Variants in SLC7A11 observed in about 807,000 individuals in gnomAD.
SLC7A11 encodes cystine/glutamate transporter.
A neutral mutation model predicts 54.5 loss-of-function variants in SLC7A11; 35 were observed. The observed-to-expected ratio is 0.64, with a 90% confidence interval of 0.49 to 0.85. The LOEUF is 0.85. Ranked by LOEUF, SLC7A11 falls within the 40% of genes least tolerant of loss-of-function variation. The pLI is 0.00. For missense variants in SLC7A11, 583 were observed against 618.1 expected, an observed-to-expected ratio of 0.94 and a Z score of 0.60; for synonymous variants, 230 against 225.2, an observed-to-expected ratio of 1.02 and a Z score of -0.19.
rs952610078 is a variant in SLC7A11 at position 138,185,054 on chromosome 4, A to T, written c.915+67T>A. ...TTCAAAACACTTTCTGCTAGAGGGA[A>T]CTACTATAAAATTGCATCAGCTCAT... is the stretch of plus-strand genomic sequence containing the variant. On this transcript the variant is annotated intron_variant, in intron 7 of 11. Transcript: ENST00000280612. 6.3e-5 allele frequency: 98 copies of T among 1,544,294 alleles called. No individual in the cohort carries two copies. The African/African-American group carries it at 1.2e-3, about 18-fold the overall frequency.
chr4:138,177,794 T>C (rs1312554185), intron 11 of SLC7A11: 1 of 152,118 alleles, frequency 6.6e-6, no homozygotes, highest in Non-Finnish European at 1.5e-5. Context: ...TACTATGTTT[T>C]CTCCTCCCCC....
Position 138,198,466 on chromosome 4 carries a change from C to CA in SLC7A11, c.792-13223dup, listed in dbSNP as rs1267467987. Among the ~76,000 whole-genome samples the CA allele has an allele frequency of 2.0e-5, 3 of 152,258 alleles. No individual in the cohort carries two copies. The East Asian group carries it at 5.8e-4, about 29-fold the overall frequency. On this transcript the variant is annotated intron_variant, in intron 6 of 11. Coordinates refer to ENST00000280612, the MANE Select transcript of SLC7A11 (RefSeq NM_014331.4). ...TAAAAATGCTGGAAGTATTGAGCCT[C>CA]ACTGGTGATCAAATGAATGCATTTT...
intron 6 of SLC7A11, among the ~76,000 whole-genome samples, chr4:138,195,033 T>C (rs1452214755): frequency 6.6e-6 from 1 of 152,186 alleles, no homozygotes; most frequent in African/African-American, 2.4e-5. Context: ...TCTTCTCCTG[T>C]CTTCTGAAGA....
intron 10 of SLC7A11, among the ~76,000 whole-genome samples, chr4:138,179,761 A>G (rs1366736923): frequency 6.6e-6 from 1 of 152,210 alleles, no homozygotes; most frequent in Non-Finnish European, 1.5e-5. Flanking sequence ...AATTATGATT[A>G]GAACCCACTT....
At chr4:138,185,344 AT>A (rs1441821483) in intron 6 of SLC7A11, 100 bp from the exon 7 acceptor site, 12 of 1,306,364 alleles carry the variant, frequency 9.2e-6, no homozygotes, top group Non-Finnish European at 1.1e-6. Flanking sequence ...ATATAATGGT[AT>A]CTACAATAAT....
chr4:138,182,452 A>T (rs1467904868), intron 8 of SLC7A11, 59 bp from the exon 9 acceptor site: 2 of 1,042,752 alleles, frequency 1.9e-6, no homozygotes, highest in African/African-American at 3.2e-5. Flanking sequence ...CAAAGGGAAA[A>T]TCCAAAAATC....
chr4:138,239,103 A>T (rs1216387172), intron 1 of SLC7A11, among the ~76,000 whole-genome samples: 1 of 152,232 alleles, frequency 6.6e-6, no homozygotes, highest in African/African-American at 2.4e-5. Context: ...AACTAGTTGC[A>T]ACTCACTCTC....
At chr4:138,186,382 A>G (rs1736879258) in intron 6 of SLC7A11, among the ~76,000 whole-genome samples, 1 of 152,142 alleles carries the variant, frequency 6.6e-6, no homozygotes, top group Non-Finnish European at 1.5e-5. Context: ...CTCACTACCC[A>G]AGCTGGGTGT....
chr4:138,209,340 T>C (rs920886278), intron 6 of SLC7A11, among the ~76,000 whole-genome samples: 6 of 151,986 alleles, frequency 3.9e-5, no homozygotes, highest in Non-Finnish European at 1.5e-5. Flanking sequence ...GAAACACATT[T>C]ATCTTGGCAC....
Position 138,170,303 on chromosome 4 carries a change from C to CATATATAT in SLC7A11, c.*1645_*1652dup, listed in dbSNP as rs375433987. The CATATATAT allele has an allele frequency of 8.3e-5, 10 of 119,874 alleles. No individual in the cohort carries two copies. The highest frequency in any genetic ancestry group is 3.1e-4 in the African/African-American group (10 of 32,276). The allele number at this position is 119,874 out of a possible 1,614,324, so 7.4% of individuals were successfully genotyped here. A position where few individuals can be genotyped will look rare whatever the true frequency, so the allele number is the denominator to read the frequency against. ...ACACACACACACACACATACACACACATATATATATATATATAATCTTTTT... is the reference window on the plus strand; with the variant it reads ...ACACACACACACACACATACACACACATATATATATATATATATATATATAATCTTTTT... On this transcript the variant is annotated 3_prime_UTR_variant, in exon 12 of 12. Transcript: ENST00000280612.
At chr4:138,178,724 T>G (rs554386065) in intron 11 of SLC7A11, among the ~76,000 whole-genome samples, 376 of 152,260 alleles carry the variant, frequency 2.5e-3, no homozygotes, top group Middle Eastern at 0.017. Context: ...GCTGCTATTG[T>G]TCTCTCCATT....
chr4:138,240,004 A>C (rs1738338735), intron 1 of SLC7A11, among the ~76,000 whole-genome samples: 1 of 152,174 alleles, frequency 6.6e-6, no homozygotes, highest in Non-Finnish European at 1.5e-5. Context: ...TTTTTCTATA[A>C]GTGCATATAC....
intron 9 of SLC7A11, among the ~76,000 whole-genome samples, chr4:138,181,212 C>T (rs1736733355): frequency 6.6e-6 from 1 of 152,122 alleles, no homozygotes; most frequent in East Asian, 1.9e-4. Flanking sequence ...ACAGAAAGCT[C>T]TGCAAATGCT....
At chr4:138,223,100 A>G (rs1737855077) in intron 4 of SLC7A11, 99 bp downstream of exon 4, 1 of 1,043,682 alleles carries the variant, frequency 9.6e-7, no homozygotes, top group Non-Finnish European at 1.4e-6. Flanking sequence ...CCACAGGCAG[A>G]GACTAATTAA....
chr4:138,215,533 A>C (rs1737659365), intron 5 of SLC7A11, among the ~76,000 whole-genome samples: 1 of 152,154 alleles, frequency 6.6e-6, no homozygotes, highest in Non-Finnish European at 1.5e-5. Context: ...TTTTAAGTAG[A>C]AATAATTGAG....
intron 11 of SLC7A11, chr4:138,175,946 T>C (rs1736561140): frequency 6.6e-6 from 1 of 152,196 alleles, no homozygotes; most frequent in South Asian, 2.1e-4. Context: ...TTTTACCTAA[T>C]GAAAGAACAT....
At chr4:138,190,838 C>T (rs906959240) in intron 6 of SLC7A11, among the ~76,000 whole-genome samples, 9 of 152,112 alleles carry the variant, frequency 5.9e-5, no homozygotes, top group Admixed American at 2.0e-4. Flanking sequence ...TACAAGTAAG[C>T]GTTCAAGAAA....
chr4:138,171,985 C>T lies in SLC7A11; in HGVS notation c.1477G>A (p.Glu493Lys), dbSNP rs146095038. The change falls in exon 12 of 12, where the codon GAA becomes AAA. Residue 493 changes from glutamate to lysine, a missense_variant. Coordinates refer to ENST00000280612, the MANE Select transcript of SLC7A11 (RefSeq NM_014331.4). The stretch of plus-strand genomic sequence containing the variant: ...AACTTATCTTCTTCTGGTACAACTT[C>T]CAGTATTATTTGTAATGTTCTGGTT... ...KITRTLQIILEVVPEEDKL is the reference protein window; with the variant it reads ...KITRTLQIILKVVPEEDKL 366 of 1,596,434 alleles carry T rather than the reference C, an allele frequency of 2.3e-4. No homozygotes were observed. The highest frequency in any genetic ancestry group is 2.9e-4 in the Non-Finnish European group (340 of 1,174,276).
chr4:138,182,422 G>A (rs1578634194), intron 8 of SLC7A11, 29 bp from the exon 9 acceptor site: 1 of 1,335,170 alleles, frequency 7.5e-7, no homozygotes, highest in South Asian at 1.2e-5. Flanking sequence ...GGGTGGAGTT[G>A]ACTGTATGAT....
Sources: allele counts gnomAD v4.1 joint callset (sites outside exome capture counted in the v4.1 genomes callset), GRCh38; gene constraint gnomAD v4.1.1; transcripts MANE v1.5; gene names NCBI Gene and HGNC (gene_info 2026-07-23, HGNC 2026-07-21).